Variants in LYZ observed in about 807,000 individuals in gnomAD.
The protein encoded by LYZ is lysozyme C.
In LYZ, 18 loss-of-function variants were observed where a neutral mutation model predicts 15.8. The observed-to-expected ratio is 1.14, with a 90% confidence interval of 0.79 to 1.69. The LOEUF (loss-of-function observed/expected upper bound fraction) is 1.69. LYZ is among the 40% of genes most tolerant of loss of function. LYZ has a pLI of 0.00. For missense variants in LYZ, 139 were observed against 182.8 expected (o/e 0.76, Z 1.38); for synonymous variants, 60 against 61.7 (o/e 0.97, Z 0.13).
chr12:69,350,737 C>CTTTTTTTTTTTTTTTTTTTTTTTTTTTTT (rs60163961), intron 2 of LYZ, among the ~76,000 whole-genome samples: 1 of 26,016 alleles, frequency 3.8e-5, no homozygotes, highest in African/African-American at 1.0e-4. Context: ...TCTTCTATGC[C>CTTTTTTTTTTTTTTTTTTTTTTTTTTTTT]TTTTTTTTTT....
At chr12:69,349,612 G>A (rs7970329) in intron 1 of LYZ, among the ~76,000 whole-genome samples, 6,557 of 152,208 alleles carry the variant, frequency 0.043, 477 homozygotes, top group African/African-American at 0.15. Flanking sequence ...AATGAGTGAA[G>A]GGATGAAATC....
At chr12:69,352,506 T>C (rs1874864485) in intron 3 of LYZ, among the ~76,000 whole-genome samples, 1 of 152,252 alleles carries the variant, frequency 6.6e-6, no homozygotes, top group Non-Finnish European at 1.5e-5. Flanking sequence ...CAATTTATTT[T>C]AGGGGATTTC....
chr12:69,352,905 T>A (rs2120835431), intron 3 of LYZ, among the ~76,000 whole-genome samples: 1 of 152,320 alleles, frequency 6.6e-6, no homozygotes, highest in South Asian at 2.1e-4. Context: ...GAATTCACTT[T>A]GCAGTTGCTG....
chr12:69,349,614 G>A (rs776431132), intron 1 of LYZ, among the ~76,000 whole-genome samples: 1 of 152,180 alleles, frequency 6.6e-6, no homozygotes, highest in Admixed American at 6.5e-5. Flanking sequence ...TGAGTGAAGG[G>A]ATGAAATCAC....
At chr12:69,352,886 A>G (rs946926952) in intron 3 of LYZ, among the ~76,000 whole-genome samples, 1 of 152,228 alleles carries the variant, frequency 6.6e-6, no homozygotes. Context: ...TACATAAAAA[A>G]TAAATGTGGA....
chr12:69,352,937 A>T lies in LYZ; in HGVS notation c.381-216A>T, dbSNP rs185464451. ...GCTGCTGTACAACGCACATTACTCA[A>T]TCTTTATGTTCGGCATTCTATGCTC... On this transcript the variant is annotated intron_variant, in intron 3 of 3. Coordinates refer to ENST00000261267, the MANE Select transcript of LYZ (RefSeq NM_000239.3). Among the ~76,000 whole-genome samples the T allele has an allele frequency of 6.6e-5, 10 of 152,334 alleles. No individual in the cohort carries two copies. The East Asian group carries it at 1.5e-3, about 24-fold the overall frequency.
Position 69,348,418 on chromosome 12 carries a change from C to T in LYZ, c.10C>T (p.Leu4Phe), listed in dbSNP as rs58131341. Residue 4 changes from leucine (L) to phenylalanine (F), a missense_variant, in exon 1 of 4, where the codon CTC (leucine) becomes TTC (phenylalanine). Leu to Phe is a conservative substitution (Grantham distance 22). Coordinates refer to ENST00000261267, the MANE Select transcript of LYZ (RefSeq NM_000239.3). ...TGACCTAGCAGTCAACATGAAGGCTCTCATTGTTCTGGGGCTTGTCCTCCT... is the reference window on the plus strand; with the variant it reads ...TGACCTAGCAGTCAACATGAAGGCTTTCATTGTTCTGGGGCTTGTCCTCCT... MKA[L>F]IVLGLVLLSV... The T allele has an allele frequency of 3.1e-6, 5 of 1,614,184 alleles. No homozygotes were observed. The highest frequency in any genetic ancestry group is 1.1e-5 in the South Asian group (1 of 91,088).
At chr12:69,352,716 A>T (rs1387541647) in intron 3 of LYZ, among the ~76,000 whole-genome samples, 2 of 152,206 alleles carry the variant, frequency 1.3e-5, no homozygotes, top group Non-Finnish European at 2.9e-5. Flanking sequence ...TCCACTAAAA[A>T]TACAAAAAAT....
At chr12:69,351,680 G>T (rs1023603080) in intron 2 of LYZ, among the ~76,000 whole-genome samples, 1 of 151,740 alleles carries the variant, frequency 6.6e-6, no homozygotes, top group Non-Finnish European at 1.5e-5. Context: ...AATACAAATC[G>T]GTTTTTAATG....
intron 2 of LYZ, chr12:69,350,538 C>T: frequency 2.4e-6 from 1 of 410,368 alleles, no homozygotes; most frequent in South Asian, 2.4e-5. Flanking sequence ...TTGTCCAGAA[C>T]AATGCCATTG....
chr12:69,353,104 A>G (rs1462234593), intron 3 of LYZ, 49 bp from the exon 4 acceptor site: 4 of 1,294,366 alleles, frequency 3.1e-6, no homozygotes, highest in East Asian at 2.3e-5. Context: ...GTATATTACA[A>G]TGAAGATATG....
intron 2 of LYZ, 40 bp downstream of exon 2, chr12:69,350,312 C>CA (rs760640108): frequency 5.4e-5 from 87 of 1,606,458 alleles, no homozygotes; most frequent in Non-Finnish European, 7.3e-5. Flanking sequence ...GTTATACTTA[C>CA]AAGAATTGAG....
chr12:69,350,501 T>C (rs1231926953), intron 2 of LYZ: 14 of 507,244 alleles, frequency 2.8e-5, no homozygotes, highest in Non-Finnish European at 4.3e-5. Flanking sequence ...GACCTATTAA[T>C]TTACTGTCAA....
In LYZ at chr12:69,353,497, C is replaced by CTTTTTT. The variant is rs71094709; in HGVS notation, c.*284_*289dup. The CTTTTTT allele has an allele frequency of 5.0e-5, 15 of 298,202 alleles. No individual in the cohort carries two copies. Among genetic ancestry groups the CTTTTTT allele is most frequent in the Middle Eastern group, 1.2e-3 (1 of 854 alleles). 18.5% of individuals were successfully genotyped at this position (298,202 alleles called of 1,614,324 possible). On this transcript the variant is annotated 3_prime_UTR_variant, in exon 4 of 4. Transcript: ENST00000261267. The stretch of plus-strand genomic sequence containing the variant: ...AAATACATCTCCAGTACATTCCGTT[C>CTTTTTT]TTTTTTTTTTTGAGACAGTCTCGCT...
intron 2 of LYZ, among the ~76,000 whole-genome samples, chr12:69,351,384 A>T (rs1399765120): frequency 6.6e-6 from 1 of 151,472 alleles, no homozygotes; most frequent in African/African-American, 2.4e-5. Context: ...AAAAAAATTT[A>T]TATTATATAA....
In LYZ at chr12:69,350,123, A is replaced by G. The variant is rs760760746; in HGVS notation, c.152A>G (p.Lys51Arg). ...ISLANWMCLA[K>R]WESGYNTRAT... ...TTCTTTTCAGGGATGTGTTTGGCCA[A>G]ATGGGAGAGTGGTTACAACACACGA... Residue 51 changes from lysine to arginine, a missense_variant, in exon 2 of 4, where the codon AAA becomes AGA. Lys to Arg is a conservative substitution (Grantham distance 26). Coordinates refer to ENST00000261267, the MANE Select transcript of LYZ (RefSeq NM_000239.3). The G allele has an allele frequency of 6.2e-7, 1 of 1,613,960 alleles. No homozygotes were observed. Among genetic ancestry groups the G allele is most frequent in the East Asian group, 2.2e-5 (1 of 44,876 alleles).
intron 2 of LYZ, among the ~76,000 whole-genome samples, chr12:69,350,909 G>A (rs548340567): frequency 3.3e-5 from 5 of 151,790 alleles, no homozygotes; most frequent in South Asian, 2.1e-4. Context: ...AAGTAGCTGG[G>A]ACTACAGGTG....
chr12:69,349,056 C>T (rs1874786070), intron 1 of LYZ, among the ~76,000 whole-genome samples: 1 of 152,104 alleles, frequency 6.6e-6, no homozygotes, highest in South Asian at 2.1e-4. Flanking sequence ...GGCTGGAGTG[C>T]AGTGGCATGA....
intron 2 of LYZ, among the ~76,000 whole-genome samples, chr12:69,350,911 C>T (rs1592840375): frequency 1.3e-5 from 2 of 151,894 alleles, no homozygotes; most frequent in East Asian, 3.9e-4. Context: ...GTAGCTGGGA[C>T]TACAGGTGTG....
Sources: gnomAD v4.1 joint callset for allele counts (sites outside exome capture counted in the v4.1 genomes callset) on GRCh38, gnomAD v4.1.1 for gene constraint, MANE v1.5 for transcripts, NCBI Gene and HGNC (gene_info 2026-07-23, HGNC 2026-07-21) for gene names.